SGCD: variants seen among roughly 807,000 people sequenced by gnomAD.
SGCD encodes the protein sarcoglycan delta, also known as delta-sarcoglycan.
Under a neutral mutation model 36.6 loss-of-function variants are expected in SGCD, and 18 were observed. That is an observed-to-expected ratio of 0.49 (90% CI 0.34 to 0.73). The LOEUF is 0.73. Ranked by LOEUF, SGCD falls within the 30% of genes least tolerant of loss-of-function variation. The pLI is 0.01. For missense variants in SGCD, 387 were observed against 346.7 expected, an observed-to-expected ratio of 1.12 and a Z score of -0.92; for synonymous variants, 133 against 130.6, an observed-to-expected ratio of 1.02 and a Z score of -0.12.
chr5:156,452,167 G>A (rs1256149753), intron 3 of SGCD, among the ~76,000 whole-genome samples: 1 of 152,076 alleles, frequency 6.6e-6, no homozygotes, highest in Admixed American at 6.6e-5. Flanking sequence ...TGCTTCAGCT[G>A]CATTTCCACT....
At chr5:156,357,777 A>T (rs1769566216) in intron 3 of SGCD, among the ~76,000 whole-genome samples, 6 of 152,216 alleles carry the variant, frequency 3.9e-5, no homozygotes, top group Admixed American at 3.9e-4. Context: ...ATGCTTGTGT[A>T]GATAAAAATT....
intron 6 of SGCD, among the ~76,000 whole-genome samples, chr5:156,606,244 A>T (rs975023257): frequency 5.9e-5 from 9 of 152,226 alleles, no homozygotes; most frequent in African/African-American, 1.9e-4. Context: ...GAAGGGATCC[A>T]GTTTCAGCTT....
In SGCD at chr5:156,478,770, G is replaced by A. The variant is rs564622438; in HGVS notation, c.193-29831G>A. ...TAATTTTTGTATTTTTAGTAGAGACGGGGTTTTGCCATGTTGGCCAGGTTG... is the reference window on the plus strand; with the variant it reads ...TAATTTTTGTATTTTTAGTAGAGACAGGGTTTTGCCATGTTGGCCAGGTTG... On this transcript the variant is annotated intron_variant, in intron 3 of 8. Transcript: ENST00000337851. Among the ~76,000 whole-genome samples, 9 of 152,138 alleles carry A rather than the reference G, an allele frequency of 5.9e-5. 1 individual carries two copies. Among genetic ancestry groups the A allele is most frequent in the South Asian group, 4.2e-4 (2 of 4,816 alleles).
intron 6 of SGCD, among the ~76,000 whole-genome samples, chr5:156,612,304 A>T (rs1761851631): frequency 6.6e-6 from 1 of 152,250 alleles, no homozygotes; most frequent in Non-Finnish European, 1.5e-5. Context: ...TGGACCCAGT[A>T]ACATAGCCTC....
At chr5:156,217,153 C>A (rs1764597913) in intron 3 of SGCD, among the ~76,000 whole-genome samples, 1 of 151,878 alleles carries the variant, frequency 6.6e-6, no homozygotes, top group Non-Finnish European at 1.5e-5. Context: ...GTTCTTAGAC[C>A]AAAAAGTATT....
rs181875 is a variant in SGCD, at chr5:156,589,550, T to A, written c.382+232T>A. 0.32 allele frequency among the ~76,000 whole-genome samples: 48,992 copies of A among 151,716 alleles called. 8,945 individuals carry two copies. The highest frequency in any genetic ancestry group is 0.5 in the African/African-American group (20,828 of 41,296). ...CTACTTAGTGGGGTAAGAAAAAAAATTTTTCTAAGCAGATTTTCATAGAAC... is the reference window on the plus strand; with the variant it reads ...CTACTTAGTGGGGTAAGAAAAAAAAATTTTCTAAGCAGATTTTCATAGAAC... On this transcript the variant is annotated intron_variant, in intron 5 of 8. Transcript: ENST00000337851.
intron 3 of SGCD, among the ~76,000 whole-genome samples, chr5:156,353,741 A>G (rs1440564833): frequency 1.3e-5 from 2 of 152,210 alleles, no homozygotes; most frequent in Non-Finnish European, 2.9e-5. Context: ...ATCCATCTGA[A>G]AAATGGCCAA....
chr5:156,716,529 G>A (rs1057248287), intron 7 of SGCD, among the ~76,000 whole-genome samples: 22 of 152,258 alleles, frequency 1.4e-4, no homozygotes, highest in African/African-American at 4.1e-4. Flanking sequence ...AAAAATGTGC[G>A]TAATACCACC....
intron 4 of SGCD, among the ~76,000 whole-genome samples, chr5:156,561,670 G>A (rs1378962325): frequency 6.6e-6 from 1 of 152,120 alleles, no homozygotes; most frequent in Non-Finnish European, 1.5e-5. Context: ...GTGTCTGAGT[G>A]GGTTACTCAG....
chr5:156,003,687 C>T (rs1462627392), intron 1 of SGCD, among the ~76,000 whole-genome samples: 2 of 152,186 alleles, frequency 1.3e-5, no homozygotes, highest in African/African-American at 2.4e-5. Context: ...AGCTTTTGAA[C>T]TGAAATCAAT....
At chr5:155,771,963 T>C in the SGCD span, among the ~76,000 whole-genome samples, 1 of 152,218 alleles carries the variant, frequency 6.6e-6, no homozygotes, top group South Asian at 2.1e-4. Flanking sequence ...TTTAAGAAGA[T>C]ATAATTGAGA....
the SGCD span, among the ~76,000 whole-genome samples, chr5:155,771,179 C>G: frequency 1.3e-5 from 2 of 152,068 alleles, no homozygotes; most frequent in Non-Finnish European, 2.9e-5. Flanking sequence ...TGTTAATACT[C>G]GGATTTCCTG....
chr5:155,979,141 C>G (rs531761181), intron 1 of SGCD, among the ~76,000 whole-genome samples: 1 of 152,274 alleles, frequency 6.6e-6, no homozygotes, highest in East Asian at 1.9e-4. Context: ...AACTGTCTTG[C>G]CTGAACAGAT....
intron 3 of SGCD, among the ~76,000 whole-genome samples, chr5:156,271,250 C>G (rs62383774): frequency 0.054 from 8,230 of 152,194 alleles, 254 homozygotes; most frequent in Non-Finnish European, 0.069. Context: ...CCTAAAACAC[C>G]ATGGCATATA....
the SGCD span, among the ~76,000 whole-genome samples, chr5:155,833,947 T>G: frequency 1.3e-5 from 2 of 152,262 alleles, no homozygotes; most frequent in Non-Finnish European, 2.9e-5. Flanking sequence ...TTAGAGACCC[T>G]ACACTGAGTT....
At chr5:155,954,056 GA>G (rs1314999352) in intron 1 of SGCD, among the ~76,000 whole-genome samples, 1 of 152,138 alleles carries the variant, frequency 6.6e-6, no homozygotes, top group Non-Finnish European at 1.5e-5. Flanking sequence ...TAAGAAAATA[GA>G]CCAATTTCAC....
At chr5:156,138,821 A>G (rs958039448) in intron 3 of SGCD, among the ~76,000 whole-genome samples, 1 of 152,200 alleles carries the variant, frequency 6.6e-6, no homozygotes, top group East Asian at 1.9e-4. Context: ...GAAAGATCCA[A>G]TTATTCTATT....
chr5:155,830,460 G>T, the SGCD span, among the ~76,000 whole-genome samples: 2 of 152,086 alleles, frequency 1.3e-5, no homozygotes, highest in Admixed American at 1.3e-4. Context: ...CATTTTATGG[G>T]GTAGGGATTT....
chr5:155,962,469 G>A (rs1179247692), intron 1 of SGCD, among the ~76,000 whole-genome samples: 1 of 152,102 alleles, frequency 6.6e-6, no homozygotes, highest in Non-Finnish European at 1.5e-5. Context: ...ATACTGTCCA[G>A]TGGTTTCTCT....
Sources: gnomAD v4.1 joint callset for allele counts (sites outside exome capture counted in the v4.1 genomes callset) on GRCh38, gnomAD v4.1.1 for gene constraint, MANE v1.5 for transcripts, NCBI Gene and HGNC (gene_info 2026-07-23, HGNC 2026-07-21) for gene names.